CNTN5: variants seen among roughly 807,000 people sequenced by gnomAD.
The protein encoded by CNTN5 is contactin 5, also known as contactin-5.
Under a neutral mutation model 129.1 loss-of-function variants are expected in CNTN5, and 77 were observed. The observed-to-expected ratio is 0.60, with a 90% CI of 0.50 to 0.72. The LOEUF (loss-of-function observed/expected upper bound fraction) is 0.72. CNTN5 is among the 30% of genes least tolerant of loss of function. The pLI is 0.00. For synonymous variants in CNTN5, 509 were observed against 465.6 expected, an observed-to-expected ratio of 1.09 and a Z score of -1.20; for missense variants, 1,478 against 1,328.8, an observed-to-expected ratio of 1.11 and a Z score of -1.75.
At chr11:99,474,807 T>C (rs950694611) in intron 2 of CNTN5, among the ~76,000 whole-genome samples, 1 of 152,208 alleles carries the variant, frequency 6.6e-6, no homozygotes, top group African/African-American at 2.4e-5. Flanking sequence ...TAATACACTC[T>C]TTCTAGCACC....
intron 13 of CNTN5, among the ~76,000 whole-genome samples, chr11:100,130,694 TCTC>T (rs1946345549): frequency 6.6e-6 from 1 of 152,054 alleles, no homozygotes; most frequent in African/African-American, 2.4e-5. Flanking sequence ...GGCATGCTAT[TCTC>T]CTAGATAAGA....
chr11:99,158,344 G>C (rs890124307), intron 1 of CNTN5, among the ~76,000 whole-genome samples: 3 of 151,982 alleles, frequency 2.0e-5, no homozygotes, highest in Non-Finnish European at 2.9e-5. Flanking sequence ...TTCGTGTCTT[G>C]GATATTCACA....
At chr11:99,026,088 A>G (rs1299894329) in intron 1 of CNTN5, among the ~76,000 whole-genome samples, 2 of 151,692 alleles carry the variant, frequency 1.3e-5, no homozygotes, top group African/African-American at 4.8e-5. Context: ...CAGGTGAGTG[A>G]CAACAGGAAT....
At chr11:100,048,715 A>G (rs754021642) in intron 9 of CNTN5, among the ~76,000 whole-genome samples, 1 of 152,082 alleles carries the variant, frequency 6.6e-6, no homozygotes, top group South Asian at 2.1e-4. Context: ...TTATGGAACA[A>G]TTAGCTACAT....
chr11:99,754,879 A>T (rs1364953789), intron 3 of CNTN5, among the ~76,000 whole-genome samples: 3 of 152,188 alleles, frequency 2.0e-5, no homozygotes, highest in Admixed American at 2.0e-4. Flanking sequence ...CATGCAGAGT[A>T]GTTTTAATGC....
intron 3 of CNTN5, among the ~76,000 whole-genome samples, chr11:99,766,712 C>A (rs1239008568): frequency 2.6e-5 from 4 of 151,958 alleles, no homozygotes; most frequent in Non-Finnish European, 5.9e-5. Context: ...ATCTGTGGAA[C>A]TGGATTTAAT....
At chr11:99,715,504 AG>A (rs1019665331) in intron 3 of CNTN5, among the ~76,000 whole-genome samples, 5 of 151,800 alleles carry the variant, frequency 3.3e-5, no homozygotes, top group Admixed American at 2.0e-4. Context: ...AATGTTTGCC[AG>A]GGGAATGAGA....
intron 8 of CNTN5, among the ~76,000 whole-genome samples, chr11:99,975,990 G>A (rs961974925): frequency 4.6e-5 from 7 of 152,114 alleles, no homozygotes; most frequent in Non-Finnish European, 7.4e-5. Flanking sequence ...AAAAAAACAA[G>A]TTAGTTACTT....
At chr11:99,167,855 C>T (rs886994754) in intron 1 of CNTN5, among the ~76,000 whole-genome samples, 7 of 151,924 alleles carry the variant, frequency 4.6e-5, no homozygotes, top group South Asian at 2.1e-4. Context: ...TGAATATCAA[C>T]AGCTATATGT....
chr11:99,288,916 A>G (rs1017567139), intron 1 of CNTN5, among the ~76,000 whole-genome samples: 1 of 151,878 alleles, frequency 6.6e-6, no homozygotes, highest in South Asian at 2.1e-4. Flanking sequence ...GTATAGAAGC[A>G]TCTTTACTGG....
chr11:99,433,333 AT>A (rs1943466700), intron 2 of CNTN5, among the ~76,000 whole-genome samples: 1 of 138,238 alleles, frequency 7.2e-6, no homozygotes, highest in South Asian at 2.6e-4. Context: ...AAAAACTGTA[AT>A]CATAATTTTC....
At chr11:99,184,783 A>G (rs889768647) in intron 1 of CNTN5, among the ~76,000 whole-genome samples, 5 of 152,072 alleles carry the variant, frequency 3.3e-5, no homozygotes, top group Non-Finnish European at 7.4e-5. Context: ...AGCTGGTTGG[A>G]AAATAATATC....
chr11:99,805,557 G>C (rs1946243817), intron 3 of CNTN5, among the ~76,000 whole-genome samples: 1 of 152,132 alleles, frequency 6.6e-6, no homozygotes, highest in Non-Finnish European at 1.5e-5. Flanking sequence ...CTACTCATTA[G>C]GGTATTGGAA....
chr11:99,145,359 C>G (rs902525814), intron 1 of CNTN5, among the ~76,000 whole-genome samples: 1 of 126,352 alleles, frequency 7.9e-6, no homozygotes. Context: ...TGTGAGCTAC[C>G]ACGCCCAACC....
chr11:99,492,181 T>C (rs1946062916), intron 2 of CNTN5, among the ~76,000 whole-genome samples: 1 of 152,140 alleles, frequency 6.6e-6, no homozygotes, highest in Non-Finnish European at 1.5e-5. Context: ...ATGGGTGGGG[T>C]GAAGACATGT....
At chr11:100,189,749 G>A (rs1469895102) in intron 13 of CNTN5, among the ~76,000 whole-genome samples, 1 of 151,968 alleles carries the variant, frequency 6.6e-6, no homozygotes, top group Non-Finnish European at 1.5e-5. Flanking sequence ...AATCTTGAAT[G>A]CATTACATTA....
chr11:99,569,185 C>A (rs1360420113), intron 3 of CNTN5, among the ~76,000 whole-genome samples: 1 of 152,090 alleles, frequency 6.6e-6, no homozygotes, highest in Non-Finnish European at 1.5e-5. Flanking sequence ...AGTACAAGAT[C>A]ATCTGTTCTA....
At chr11:99,986,573 A>T (rs768887547) in intron 8 of CNTN5, among the ~76,000 whole-genome samples, 2 of 152,074 alleles carry the variant, frequency 1.3e-5, no homozygotes, top group African/African-American at 4.8e-5. Context: ...ATTTCCCTCC[A>T]TCCTGAATCA....
At chr11:99,860,625 G>C (rs1948174392) in intron 6 of CNTN5, among the ~76,000 whole-genome samples, 2 of 152,094 alleles carry the variant, frequency 1.3e-5, no homozygotes, top group South Asian at 4.1e-4. Context: ...TGGATGTGCA[G>C]CTTTATTTCT....
Sources: allele counts gnomAD v4.1 joint callset (sites outside exome capture counted in the v4.1 genomes callset), GRCh38; gene constraint gnomAD v4.1.1; transcripts MANE v1.5; gene names NCBI Gene and HGNC (gene_info 2026-07-23, HGNC 2026-07-21).